The following PPP3CA variants were observed in gnomAD, a reference collection of about 807,000 sequenced individuals.
PPP3CA encodes the protein protein phosphatase 3 catalytic subunit alpha, also known as CAM-PRP catalytic subunit.
Under a neutral mutation model 66.5 loss-of-function variants are expected in PPP3CA, and 14 were observed. That is an observed-to-expected ratio of 0.21 (90% confidence interval 0.14 to 0.33). PPP3CA has a LOEUF of 0.33. Among genes scored for constraint, PPP3CA ranks in the 10% least tolerant of loss-of-function variants. PPP3CA has a pLI of 1.00. For synonymous variants in PPP3CA, 232 were observed against 226.2 expected, an observed-to-expected ratio of 1.03 and a Z score of -0.23; for missense variants, 317 against 639.5, an observed-to-expected ratio of 0.50 and a Z score of 5.44.
chr4:101,340,866 A>T (rs2110341787), intron 1 of PPP3CA, among the ~76,000 whole-genome samples: 1 of 152,316 alleles, frequency 6.6e-6, no homozygotes, highest in South Asian at 2.1e-4. Context: ...GTGGGTCATT[A>T]AGTGGAGTTC....
At chr4:101,069,185 C>A (rs747347443) in intron 8 of PPP3CA, among the ~76,000 whole-genome samples, 4 of 152,060 alleles carry the variant, frequency 2.6e-5, no homozygotes, top group Non-Finnish European at 5.9e-5. Context: ...CAGGCACACA[C>A]CACCATGCCT....
chr4:101,176,784 C>T (rs1156557287), intron 2 of PPP3CA, among the ~76,000 whole-genome samples: 3 of 149,100 alleles, frequency 2.0e-5, no homozygotes, highest in Admixed American at 6.6e-5. Flanking sequence ...TACTGTGAAG[C>T]CCCCCCAAAA....
At chr4:101,201,244 A>C (rs1261471377) in intron 1 of PPP3CA, among the ~76,000 whole-genome samples, 1 of 152,212 alleles carries the variant, frequency 6.6e-6, no homozygotes, top group Non-Finnish European at 1.5e-5. Flanking sequence ...CATCCTTCTA[A>C]GTAAATGAGA....
At chr4:101,124,732 A>AG (rs1722172067) in intron 2 of PPP3CA, among the ~76,000 whole-genome samples, 24 of 66,296 alleles carry the variant, frequency 3.6e-4, no homozygotes, top group Admixed American at 3.3e-3. Context: ...AAAGAGAAAG[A>AG]AAGAAAGAAA....
At chr4:101,275,407 C>T (rs1247188358) in intron 1 of PPP3CA, among the ~76,000 whole-genome samples, 7 of 152,128 alleles carry the variant, frequency 4.6e-5, no homozygotes, top group South Asian at 2.1e-4. Flanking sequence ...CCTTCTTTCA[C>T]GTCAAATCCT....
At chr4:101,101,490 G>C (rs1211357385) in intron 3 of PPP3CA, among the ~76,000 whole-genome samples, 1 of 152,030 alleles carries the variant, frequency 6.6e-6, no homozygotes, top group African/African-American at 2.4e-5. Context: ...CGTTAATTTA[G>C]GATGTCTAGT....
At chr4:101,135,546 A>AG (rs1722595687) in intron 2 of PPP3CA, among the ~76,000 whole-genome samples, 1 of 152,234 alleles carries the variant, frequency 6.6e-6, no homozygotes, top group Admixed American at 6.5e-5. Context: ...CAAGTATCAG[A>AG]GAGGCTTTCA....
chr4:101,286,862 T>C (rs1192577498), intron 1 of PPP3CA, among the ~76,000 whole-genome samples: 1 of 152,190 alleles, frequency 6.6e-6, no homozygotes, highest in Admixed American at 6.5e-5. Flanking sequence ...GGGTCAGCTG[T>C]CACCTGTGAC....
chr4:101,114,159 G>T (rs370582183), intron 2 of PPP3CA, among the ~76,000 whole-genome samples: 2 of 152,004 alleles, frequency 1.3e-5, no homozygotes, highest in African/African-American at 4.8e-5. Flanking sequence ...CACTCCTAGC[G>T]CTCTATGAAA....
chr4:101,282,812 TTCCGGGGCAGTCCCCAACATA>T (rs1032557843), intron 1 of PPP3CA, among the ~76,000 whole-genome samples: 2 of 152,128 alleles, frequency 1.3e-5, no homozygotes, highest in African/African-American at 4.8e-5. Context: ...GAAAACCTGT[TTCCGGGGCAGTCCCCAACATA>T]TTTAGCATGG....
At chr4:101,308,325 G>A (rs1728610360) in intron 1 of PPP3CA, among the ~76,000 whole-genome samples, 1 of 152,074 alleles carries the variant, frequency 6.6e-6, no homozygotes, top group South Asian at 2.1e-4. Context: ...AACTGGAAAG[G>A]AGAAACTTCT....
At chr4:101,098,761 G>T (rs544168980) in intron 4 of PPP3CA, among the ~76,000 whole-genome samples, 6 of 151,882 alleles carry the variant, frequency 4.0e-5, no homozygotes, top group Non-Finnish European at 8.8e-5. Context: ...TATAGCAAGA[G>T]AATTTTTATA....
chr4:101,284,969 AT>A (rs1395240273), intron 1 of PPP3CA, among the ~76,000 whole-genome samples: 22 of 152,158 alleles, frequency 1.4e-4, no homozygotes, highest in Admixed American at 2.6e-4. Context: ...TTATTCATCA[AT>A]AGATGTCAAC....
intron 11 of PPP3CA, among the ~76,000 whole-genome samples, chr4:101,032,927 C>G (rs1727050773): frequency 6.6e-6 from 1 of 151,840 alleles, no homozygotes; most frequent in Non-Finnish European, 1.5e-5. Flanking sequence ...TGGCAAGCAG[C>G]CAATAAACCT....
intron 1 of PPP3CA, among the ~76,000 whole-genome samples, chr4:101,305,576 T>C (rs528969366): frequency 2.6e-5 from 4 of 152,330 alleles, no homozygotes; most frequent in Admixed American, 6.5e-5. Context: ...TGAGAAAGCC[T>C]AGAATATATT....
chr4:101,284,917 T>C (rs1422073763), intron 1 of PPP3CA, among the ~76,000 whole-genome samples: 1 of 151,744 alleles, frequency 6.6e-6, no homozygotes, highest in Non-Finnish European at 1.5e-5. Flanking sequence ...AAACAAATAG[T>C]AACCAAACAT....
intron 1 of PPP3CA, among the ~76,000 whole-genome samples, chr4:101,331,998 C>T (rs1729402686): frequency 6.6e-6 from 1 of 152,048 alleles, no homozygotes; most frequent in Non-Finnish European, 1.5e-5. Context: ...TATGTGTATG[C>T]AAGAGAAAAA....
intron 1 of PPP3CA, among the ~76,000 whole-genome samples, chr4:101,279,862 A>G (rs1727624898): frequency 6.6e-6 from 1 of 152,116 alleles, no homozygotes; most frequent in Non-Finnish European, 1.5e-5. Context: ...AAAGGCACAC[A>G]ATGGAAATCT....
chr4:101,261,177 G>C (rs1420906203), intron 1 of PPP3CA, among the ~76,000 whole-genome samples: 1 of 152,056 alleles, frequency 6.6e-6, no homozygotes, highest in East Asian at 1.9e-4. Flanking sequence ...CTAGAAATAA[G>C]GAGCTGAGGT....
Sources: gnomAD v4.1 joint callset for allele counts (sites outside exome capture counted in the v4.1 genomes callset) on GRCh38, gnomAD v4.1.1 for gene constraint, MANE v1.5 for transcripts, NCBI Gene and HGNC (gene_info 2026-07-23, HGNC 2026-07-21) for gene names.